SAMMSON: variants seen among roughly 807,000 people sequenced by gnomAD.
The protein encoded by SAMMSON is survival associated mitochondrial melanoma specific oncogenic non-coding RNA.
intron 4 of SAMMSON, among the ~76,000 whole-genome samples, chr3:70,116,834 T>C (rs1047190279): frequency 1.3e-5 from 2 of 152,198 alleles, no homozygotes; most frequent in Non-Finnish European, 2.9e-5. Context: ...GCTTTCTTAT[T>C]TCCTATTCAA....
chr3:70,382,650 G>T (rs1198860228), intron 9 of SAMMSON, among the ~76,000 whole-genome samples: 1 of 149,762 alleles, frequency 6.7e-6, no homozygotes, highest in East Asian at 2.0e-4. Context: ...ACACTAGTAA[G>T]CTGATACTTG....
At chr3:70,361,702 A>G (rs1455868904) in intron 9 of SAMMSON, among the ~76,000 whole-genome samples, 2 of 152,184 alleles carry the variant, frequency 1.3e-5, no homozygotes, top group Non-Finnish European at 2.9e-5. Context: ...TCATTTATCC[A>G]TGTATTTTTA....
intron 3 of SAMMSON, among the ~76,000 whole-genome samples, chr3:70,028,186 C>CCTTCCTTCCTTCCTTTCTTT (rs1491431567): frequency 9.6e-6 from 1 of 103,876 alleles, no homozygotes; most frequent in East Asian, 2.5e-4. Context: ...TTCCTTCCTT[C>CCTTCCTTCCTTCCTTTCTTT]CTTTCTTTCT....
chr3:70,337,377 G>T (rs181442371), intron 7 of SAMMSON, among the ~76,000 whole-genome samples: 4 of 151,532 alleles, frequency 2.6e-5, no homozygotes, highest in East Asian at 3.9e-4. Context: ...CTGAGAGTGG[G>T]CTGGCAAAGT....
chr3:70,311,269 TA>T (rs1702451267), intron 7 of SAMMSON, among the ~76,000 whole-genome samples: 1 of 152,184 alleles, frequency 6.6e-6, no homozygotes, highest in South Asian at 2.1e-4. Context: ...AAAGTGATCA[TA>T]AAATCAAAAA....
At chr3:70,250,482 A>T (rs1056111913) in intron 6 of SAMMSON, among the ~76,000 whole-genome samples, 3 of 151,792 alleles carry the variant, frequency 2.0e-5, no homozygotes, top group Non-Finnish European at 2.9e-5. Flanking sequence ...TTCCAACGAG[A>T]TGTAAATCAA....
At chr3:70,294,268 AC>A (rs202098983) in intron 7 of SAMMSON, among the ~76,000 whole-genome samples, 3,025 of 152,268 alleles carry the variant, frequency 0.02, 35 homozygotes, top group Non-Finnish European at 0.03. Flanking sequence ...TCTTTATAAA[AC>A]ATTTTCTTTT....
intron 4 of SAMMSON, among the ~76,000 whole-genome samples, chr3:70,191,618 A>G (rs576972717): frequency 6.6e-6 from 1 of 152,254 alleles, no homozygotes; most frequent in Non-Finnish European, 1.5e-5. Flanking sequence ...CCAAATTCTA[A>G]TCATTGTACA....
intron 4 of SAMMSON, among the ~76,000 whole-genome samples, chr3:70,228,260 A>G (rs892445913): frequency 6.6e-6 from 1 of 152,114 alleles, no homozygotes; most frequent in African/African-American, 2.4e-5. Context: ...ATGCTGAAGA[A>G]AACATAACAC....
intron 4 of SAMMSON, among the ~76,000 whole-genome samples, chr3:70,173,735 G>A (rs988051086): frequency 2.0e-5 from 3 of 151,812 alleles, no homozygotes; most frequent in African/African-American, 7.3e-5. Flanking sequence ...AATCATATTT[G>A]CCAGGTAAAA....
At chr3:70,347,513 A>G (rs1409306578) in intron 7 of SAMMSON, among the ~76,000 whole-genome samples, 2 of 152,174 alleles carry the variant, frequency 1.3e-5, no homozygotes, top group Non-Finnish European at 2.9e-5. Context: ...GCTATGCTTT[A>G]TGCTTCTCTG....
At chr3:70,184,251 T>C (rs1559529925) in intron 4 of SAMMSON, 1 of 152,232 alleles carries the variant, frequency 6.6e-6, no homozygotes, top group East Asian at 1.9e-4. Flanking sequence ...AATATATGTT[T>C]GGGAAATGCT....
downstream of SAMMSON, among the ~76,000 whole-genome samples, chr3:70,394,514 G>T (rs1348016132): frequency 6.6e-6 from 1 of 152,106 alleles, no homozygotes; most frequent in Non-Finnish European, 1.5e-5. Flanking sequence ...GCAGTTACCA[G>T]GGACCGAAGA....
At chr3:70,259,643 C>T (rs1206688149) in intron 6 of SAMMSON, among the ~76,000 whole-genome samples, 1 of 152,110 alleles carries the variant, frequency 6.6e-6, no homozygotes, top group Admixed American at 6.6e-5. Flanking sequence ...GAAAGTCTGA[C>T]GTGTAAGGTC....
At chr3:70,121,164 G>A (rs536483465) in intron 4 of SAMMSON, among the ~76,000 whole-genome samples, 1 of 152,146 alleles carries the variant, frequency 6.6e-6, no homozygotes, top group African/African-American at 2.4e-5. Flanking sequence ...CTGCTGATCC[G>A]ACAGGAGGCG....
intron 7 of SAMMSON, among the ~76,000 whole-genome samples, chr3:70,323,247 A>T (rs1702550707): frequency 6.6e-6 from 1 of 152,094 alleles, no homozygotes; most frequent in African/African-American, 2.4e-5. Flanking sequence ...TTAATCCGAG[A>T]TTTTTTGTCA....
chr3:70,186,030 A>T (rs1023728558), intron 4 of SAMMSON, among the ~76,000 whole-genome samples: 1 of 152,108 alleles, frequency 6.6e-6, no homozygotes, highest in Non-Finnish European at 1.5e-5. Flanking sequence ...CACTACTGCT[A>T]TGAGCTTCCA....
intron 4 of SAMMSON, among the ~76,000 whole-genome samples, chr3:70,074,079 C>T (rs1019267829): frequency 6.6e-6 from 1 of 151,752 alleles, no homozygotes; most frequent in African/African-American, 2.4e-5. Context: ...CTGTATTATA[C>T]AACAGCTAAA....
At chr3:70,040,731 C>A (rs1038485013) in intron 3 of SAMMSON, among the ~76,000 whole-genome samples, 1 of 152,090 alleles carries the variant, frequency 6.6e-6, no homozygotes, top group African/African-American at 2.4e-5. Flanking sequence ...GAGCCTCATG[C>A]TCTTCCCACC....
Sources: gnomAD v4.1 joint callset for allele counts (sites outside exome capture counted in the v4.1 genomes callset) on GRCh38, gnomAD v4.1.1 for gene constraint, MANE v1.5 for transcripts, NCBI Gene and HGNC (gene_info 2026-07-23, HGNC 2026-07-21) for gene names.